The following CATIP variants were observed in gnomAD, a reference collection of about 807,000 sequenced individuals.
CATIP encodes the protein ciliogenesis-associated TTC17-interacting protein.
CATIP carries 40 observed loss-of-function variants against 42.5 expected under a neutral mutation model. The observed-to-expected ratio is 0.94, with a 90% CI of 0.73 to 1.22. CATIP has a LOEUF of 1.22. CATIP is among the 50% of genes most tolerant of loss of function. CATIP has a pLI of 0.00. For synonymous variants in CATIP, 222 were observed against 200.2 expected, an observed-to-expected ratio of 1.11 and a Z score of -0.92; for missense variants, 489 against 496.0, an observed-to-expected ratio of 0.99 and a Z score of 0.13.
chr2:218,365,815 C>T (rs1399536910), intron 7 of CATIP: 3 of 151,400 alleles, frequency 2.0e-5, no homozygotes, highest in African/African-American at 7.3e-5. Context: ...TTCTCTCTTT[C>T]TCTCTCTCTG....
At chr2:218,367,268 G>C (rs1236275120) in intron 8 of CATIP, 162 bp from the exon 9 acceptor site, 2 of 789,780 alleles carry the variant, frequency 2.5e-6, no homozygotes, top group Non-Finnish European at 4.2e-6. Context: ...GCAATAAGAG[G>C]AGGATCTTTC....
At chr2:218,361,080 C>T (rs1488763188) in intron 5 of CATIP, among the ~76,000 whole-genome samples, 1 of 152,194 alleles carries the variant, frequency 6.6e-6, no homozygotes, top group African/African-American at 2.4e-5. Context: ...ATCCGCCCGC[C>T]TCAGCCTCCC....
intron 7 of CATIP, 81 bp downstream of exon 7, chr2:218,364,833 AC>A: frequency 6.8e-7 from 1 of 1,471,450 alleles, no homozygotes; most frequent in Admixed American, 2.0e-5. Flanking sequence ...TGGGGATAGC[AC>A]CAGGAAGAAC....
chr2:218,357,571 G>C lies in CATIP; in HGVS notation c.156G>C (p.Thr52=), dbSNP rs192851347. The change falls in exon 3 of 10, where the codon ACG becomes ACC. Residue 52 remains threonine, a synonymous_variant. Transcript: ENST00000289388. ...TACAGATGCTGTTCTTCTCTGAGACGCTGGCCATGGTCTCAGACACCGGGG... is the reference window on the plus strand; with the variant it reads ...TACAGATGCTGTTCTTCTCTGAGACCCTGGCCATGGTCTCAGACACCGGGG... ...EELQMLFFSE[T]LAMVSDTGEP... 1.2e-6 allele frequency: 2 copies of C among 1,613,850 alleles called. No homozygotes were observed. The highest frequency in any genetic ancestry group is 1.3e-5 in the African/African-American group (1 of 74,888).
chr2:218,367,957 C>T lies in CATIP; in HGVS notation c.1157C>T (p.Ala386Val), dbSNP rs771046166. 1.0e-5 allele frequency: 16 copies of T among 1,577,462 alleles called. No individual in the cohort carries two copies. Among genetic ancestry groups the T allele is most frequent in the Middle Eastern group, 2.1e-4 (1 of 4,782 alleles). ...CCGGAGGGAGACGCCCGCTCGGGGG[C>T]GGCCTAAGCGGGGCCCAGGCCCGGA... ...LEPEGDARSG[A>V]A Residue 386 changes from alanine (A) to valine (V), a missense_variant, in exon 10 of 10, where the codon GCG (alanine) becomes GTG (valine). Physicochemically the swap from Ala to Val is moderately conservative, Grantham distance 64. Transcript: ENST00000289388.
chr2:218,362,680 C>T, intron 5 of CATIP, 55 bp from the exon 6 acceptor site: 1 of 1,568,398 alleles, frequency 6.4e-7, no homozygotes, highest in Non-Finnish European at 8.7e-7. Flanking sequence ...GCCCACCCTC[C>T]TGTCCCCTGC....
intron 7 of CATIP, chr2:218,366,132 CTT>C (rs1695428264): frequency 6.6e-6 from 1 of 150,474 alleles, no homozygotes; most frequent in East Asian, 2.0e-4. Context: ...CGACAGGCCT[CTT>C]TCTCTTTTTG....
At chr2:218,362,949 A>G in intron 6 of CATIP, 47 bp downstream of exon 6, 1 of 1,546,224 alleles carries the variant, frequency 6.5e-7, no homozygotes. Context: ...AGCGAACTAG[A>G]AAAGGCGTGA....
At position 218,360,564 on chromosome 2, in the gene CATIP, G is replaced by T; in HGVS notation, c.376-9G>T. 1 of 1,611,630 alleles carries T rather than the reference G, an allele frequency of 6.2e-7. No individual in the cohort carries two copies. Among genetic ancestry groups the T allele is most frequent in the Non-Finnish European group, 8.5e-7 (1 of 1,178,352 alleles). ...TCCCTGATCCTCCCCCGCATGCTCT[G>T]GCCCTCAGTTCCTCATCCTCCCCAT... On this transcript the variant is annotated splice_polypyrimidine_tract_variant and intron_variant, in intron 4 of 9. Coordinates refer to ENST00000289388, the MANE Select transcript of CATIP (RefSeq NM_198559.2).
At chr2:218,366,218 G>A (rs1039897981) in intron 7 of CATIP, 1 of 152,408 alleles carries the variant, frequency 6.6e-6, no homozygotes, top group Admixed American at 6.5e-5. Context: ...CCACCTCCCA[G>A]GTTCAAGTGA....
chr2:218,357,591 C>T lies in CATIP; in HGVS notation c.176C>T (p.Thr59Ile). 6.2e-7 allele frequency: 1 copy of T among 1,614,074 alleles called. No individual in the cohort carries two copies. The highest frequency in any genetic ancestry group is 8.5e-7 in the Non-Finnish European group (1 of 1,179,974). Residue 59 changes from threonine (T) to isoleucine (I), a missense_variant, in exon 3 of 10, where the codon ACC becomes ATC. By Grantham distance (89) the Thr-to-Ile change is moderately conservative. Transcript: ENST00000289388. The stretch of plus-strand genomic sequence containing the variant: ...GAGACGCTGGCCATGGTCTCAGACA[C>T]CGGGGAGCCTCAGGGAGAGCTGACC... ...FSETLAMVSD[T>I]GEPQGELTIE... is the part of the protein sequence containing the mutation.
intron 1 of CATIP, 60 bp from the exon 2 acceptor site, chr2:218,357,035 C>T: frequency 6.4e-7 from 1 of 1,567,382 alleles, no homozygotes; most frequent in Non-Finnish European, 8.7e-7. Context: ...CCTGCCTTGC[C>T]TCCCTGACCC....
In CATIP at chr2:218,367,733, G is replaced by A. The variant is rs765568429; in HGVS notation, c.933G>A (p.Arg311=). The A allele has an allele frequency of 6.3e-7, 1 of 1,599,228 alleles. No individual in the cohort carries two copies. The highest frequency in any genetic ancestry group is 8.5e-7 in the Non-Finnish European group (1 of 1,176,038). ...SKFLDRKEEL[R]LGHASYLRQH... ...CTGTCCCCTGCCAGGAGGAGCTCCGGCTCGGCCACGCCAGCTATCTGCGGC... is the reference window on the plus strand; with the variant it reads ...CTGTCCCCTGCCAGGAGGAGCTCCGACTCGGCCACGCCAGCTATCTGCGGC... The change falls in exon 10 of 10, where the codon CGG becomes CGA. Residue 311 remains arginine (R), a synonymous_variant. Coordinates refer to ENST00000289388, the MANE Select transcript of CATIP (RefSeq NM_198559.2).
chr2:218,357,187 C>T lies in CATIP; in HGVS notation c.118C>T (p.His40Tyr), dbSNP rs1202170125. Reference sequence around the variant, plus strand: ...AGCCATCGACTTCCTCAGCTCCCTCCGTGAGCTCAGACAGTGTCGGGGTTG... The same window carrying T: ...AGCCATCGACTTCCTCAGCTCCCTCTGTGAGCTCAGACAGTGTCGGGGTTG... Reference protein sequence around the residue: ...AEAIDFLSSLHKEELQMLFFS... With the variant: ...AEAIDFLSSLYKEELQMLFFS... The change falls in exon 2 of 10, where the codon CAC (histidine) becomes TAC (tyrosine). Residue 40 changes from histidine to tyrosine, a missense_variant and splice_region_variant. Physicochemically the swap from His to Tyr is moderately conservative, Grantham distance 83. Transcript: ENST00000289388. 5.6e-6 allele frequency: 9 copies of T among 1,609,256 alleles called. No individual in the cohort carries two copies. The East Asian group carries it at 6.7e-5, about 12-fold the overall frequency.
chr2:218,357,856 C>G (rs142868592), intron 3 of CATIP, 122 bp downstream of exon 3: 10 of 1,168,290 alleles, frequency 8.6e-6, no homozygotes, highest in South Asian at 1.3e-5. Flanking sequence ...GGACAAGGCA[C>G]GGGGTGGGAG....
rs746709193 is a variant in CATIP at position 218,362,758 on chromosome 2, T to A, written c.486T>A (p.Ser162=). The A allele has an allele frequency of 1.9e-6, 3 of 1,613,994 alleles. No homozygotes were observed. Among genetic ancestry groups the A allele is most frequent in the Non-Finnish European group, 2.5e-6 (3 of 1,180,016 alleles). ...AGGAAGTGAAGACTGGAGTGACTTC[T>A]TTCCCCTGGAGCTCAATCAAGGGCT... ...EGEEVKTGVT[S]FPWSSIKGFI... Residue 162 remains serine (S), a synonymous_variant, in exon 6 of 10, where the codon TCT becomes TCA. Coordinates refer to ENST00000289388, the MANE Select transcript of CATIP (RefSeq NM_198559.2).
intron 8 of CATIP, 71 bp downstream of exon 8, chr2:218,367,171 T>G: frequency 2.5e-6 from 3 of 1,185,144 alleles, no homozygotes; most frequent in Non-Finnish European, 3.7e-6. Flanking sequence ...CCTTCCAGGA[T>G]GCAGGGGGCT....
At position 218,362,597 on chromosome 2, in the gene CATIP, A is replaced by G. The variant is rs1695274106; in HGVS notation, c.463-138A>G. 5 of 736,904 alleles carry G rather than the reference A, an allele frequency of 6.8e-6. No homozygotes were observed. In the South Asian group the frequency reaches 9.4e-5, roughly 14 times the overall value. 45.6% of individuals were successfully genotyped at this position (736,904 alleles called of 1,614,324 possible). A position where few individuals can be genotyped will look rare whatever the true frequency, so the allele number is the denominator to read the frequency against. ...CAGTGAGCTGAGACCACGCCATTGC[A>G]CTCCAGCCTGGGTGACAAAAAGCGA... On this transcript the variant is annotated intron_variant, in intron 5 of 9. Coordinates refer to ENST00000289388, the MANE Select transcript of CATIP (RefSeq NM_198559.2).
At position 218,367,878 on chromosome 2, in the gene CATIP, T is replaced by C. The variant is rs1559108293; in HGVS notation, c.1078T>C (p.Ser360Pro). 1 of 1,612,910 alleles carries C rather than the reference T, an allele frequency of 6.2e-7. No homozygotes were observed. Among genetic ancestry groups the C allele is most frequent in the Non-Finnish European group, 8.5e-7 (1 of 1,179,854 alleles). Residue 360 changes from serine (S) to proline (P), a missense_variant, in exon 10 of 10, where the codon TCG becomes CCG. Ser to Pro is a moderately conservative substitution (Grantham distance 74, BLOSUM62 -1). Transcript: ENST00000289388. ...FFGPFDPWRP[S>P]SPALGSSHRP... ...CGGCCCCTTCGACCCGTGGCGTCCG[T>C]CGTCACCGGCCTTGGGCTCCTCCCA...
Sources: allele counts gnomAD v4.1 joint callset (sites outside exome capture counted in the v4.1 genomes callset), GRCh38; gene constraint gnomAD v4.1.1; transcripts MANE v1.5; gene names NCBI Gene and HGNC (gene_info 2026-07-23, HGNC 2026-07-21).